PARD3B: variants seen among roughly 807,000 people sequenced by gnomAD.
PARD3B encodes the protein partitioning defective 3 homolog B.
In PARD3B, 103 loss-of-function variants were observed where a neutral mutation model predicts 130.2. The ratio of observed to expected loss-of-function variants is 0.79; its 90% CI spans 0.67 to 0.93. The LOEUF (loss-of-function observed/expected upper bound fraction) is 0.93. Ranked by LOEUF, PARD3B falls within the 40% of genes least tolerant of loss-of-function variation. The pLI is 0.00. For synonymous variants in PARD3B, 583 were observed against 553.2 expected (o/e 1.05, Z -0.76); for missense variants, 1,609 against 1,499.2 (o/e 1.07, Z -1.21).
Position 205,301,452 on chromosome 2 carries a change from T to C in PARD3B, c.2393-12T>C. ...CCTGACCATGGGTATTGATTATTTT[T>C]TCTCTGTACAGACGGTCTGTCTGAT... On this transcript the variant is annotated splice_polypyrimidine_tract_variant and intron_variant, in intron 17 of 22. Coordinates refer to ENST00000406610, the MANE Select transcript of PARD3B (RefSeq NM_001302769.2). The surrounding 1 kb of genome is among the most constrained non-coding windows in gnomAD (Gnocchi z 5.2). 1 of 1,589,538 alleles carries C rather than the reference T, an allele frequency of 6.3e-7. No individual in the cohort carries two copies.
Position 204,960,261 on chromosome 2 carries a change from G to A in PARD3B, c.223-4891G>A, listed in dbSNP as rs893356450. On this transcript the variant is annotated intron_variant, in intron 2 of 22. Coordinates refer to ENST00000406610, the MANE Select transcript of PARD3B (RefSeq NM_001302769.2). ...TATTGGCAGATAGCTGGGTGAGGGAGTGCCTGGGACAGACTGCGAACTCCA... is the reference window on the plus strand; with the variant it reads ...TATTGGCAGATAGCTGGGTGAGGGAATGCCTGGGACAGACTGCGAACTCCA... Among the ~76,000 whole-genome samples, 3 of 152,262 alleles carry A rather than the reference G, an allele frequency of 2.0e-5. 1 individual carries two copies. Among genetic ancestry groups the A allele is most frequent in the Middle Eastern group, 6.8e-3 (2 of 294 alleles).
At chr2:205,576,744 A>C (rs1420987996) in intron 22 of PARD3B, among the ~76,000 whole-genome samples, 3 of 152,082 alleles carry the variant, frequency 2.0e-5, no homozygotes, top group Non-Finnish European at 4.4e-5. Context: ...CTCTAAGTTT[A>C]TTCTTCTCCT....
At chr2:205,203,936 A>G (rs544124167) in intron 15 of PARD3B, among the ~76,000 whole-genome samples, 2 of 152,346 alleles carry the variant, frequency 1.3e-5, no homozygotes, top group East Asian at 3.9e-4. Flanking sequence ...TCTTCAGAGT[A>G]GCATGATTTA....
chr2:205,041,267 C>T (rs1698381394), intron 3 of PARD3B, among the ~76,000 whole-genome samples: 1 of 152,222 alleles, frequency 6.6e-6, no homozygotes, highest in African/African-American at 2.4e-5. Flanking sequence ...GTTTCTCACG[C>T]ATATCAAGAC....
rs528247150 is a variant in PARD3B, at chr2:205,379,081, G to A, written c.2631-21932G>A. 2.6e-5 allele frequency among the ~76,000 whole-genome samples: 4 copies of A among 152,156 alleles called. No individual in the cohort carries two copies. The South Asian group carries it at 8.3e-4, about 32-fold the overall frequency. The stretch of plus-strand genomic sequence containing the variant: ...AAAAAACTCTGAGAAAAAATATAGA[G>A]GGGAGTTTGAGAGGGCTAAATACTG... On this transcript the variant is annotated intron_variant, in intron 18 of 22. Transcript: ENST00000406610.
At chr2:204,652,721 GAC>G (rs1206000917) in intron 1 of PARD3B, among the ~76,000 whole-genome samples, 1 of 151,824 alleles carries the variant, frequency 6.6e-6, no homozygotes, top group African/African-American at 2.4e-5. Context: ...AACTACCTGA[GAC>G]TGGGTAATTT....
At chr2:205,202,334 T>A (rs1242590932) in intron 15 of PARD3B, among the ~76,000 whole-genome samples, 2 of 152,228 alleles carry the variant, frequency 1.3e-5, no homozygotes, top group Non-Finnish European at 2.9e-5. Context: ...GTTCTCTATG[T>A]CAAGGACATG....
chr2:205,157,224 A>G (rs1240360348), intron 10 of PARD3B, among the ~76,000 whole-genome samples: 1 of 152,216 alleles, frequency 6.6e-6, no homozygotes, highest in Admixed American at 6.5e-5. Flanking sequence ...TAAATTGGGC[A>G]TTTTGAAAGA....
intron 2 of PARD3B, among the ~76,000 whole-genome samples, chr2:204,898,926 T>C (rs948150942): frequency 2.6e-5 from 4 of 152,224 alleles, no homozygotes; most frequent in Admixed American, 6.5e-5. Context: ...AAGTCTGATA[T>C]AAGTATAGCT....
intron 2 of PARD3B, among the ~76,000 whole-genome samples, chr2:204,755,057 C>T (rs984305268): frequency 3.9e-5 from 6 of 151,998 alleles, no homozygotes; most frequent in Non-Finnish European, 4.4e-5. Flanking sequence ...TATTTAATTG[C>T]CTTGCACGCA....
At chr2:205,174,455 T>C (rs1415494075) in intron 12 of PARD3B, among the ~76,000 whole-genome samples, 1 of 152,226 alleles carries the variant, frequency 6.6e-6, no homozygotes, top group Non-Finnish European at 1.5e-5. Context: ...GCATTGTTTC[T>C]TATAAAGACA....
chr2:205,015,017 C>T lies in PARD3B; in HGVS notation c.395-32564C>T, dbSNP rs1323687888. 6.6e-6 allele frequency among the ~76,000 whole-genome samples: 1 copy of T among 152,154 alleles called. No homozygotes were observed. The highest frequency in any genetic ancestry group is 1.5e-5 in the Non-Finnish European group (1 of 68,032). On this transcript the variant is annotated intron_variant, in intron 3 of 22. Coordinates refer to ENST00000406610, the MANE Select transcript of PARD3B (RefSeq NM_001302769.2). This position sits in a 1 kb window ranked among gnomAD's most constrained non-coding sequence, Gnocchi z 4.5. ...TCGAACAATGTGAGAGTTAGGGTTA[C>T]AGGGCCCACATACAGTTGAAAATCT...
At position 204,907,945 on chromosome 2, in the gene PARD3B, G is replaced by A. The variant is rs549279538; in HGVS notation, c.223-57207G>A. 1.3e-5 allele frequency among the ~76,000 whole-genome samples: 2 copies of A among 152,044 alleles called. No individual in the cohort carries two copies. Among genetic ancestry groups the A allele is most frequent in the South Asian group, 4.1e-4 (2 of 4,820 alleles). Reference sequence around the variant, plus strand: ...TCAAACTCCTGGCCTCAAGTGACCTGCCTGCCTCAGCCTCCCAAAGTGCTG... The same window carrying A: ...TCAAACTCCTGGCCTCAAGTGACCTACCTGCCTCAGCCTCCCAAAGTGCTG... On this transcript the variant is annotated intron_variant, in intron 2 of 22. Coordinates refer to ENST00000406610, the MANE Select transcript of PARD3B (RefSeq NM_001302769.2). This position sits in a 1 kb window ranked among gnomAD's most constrained non-coding sequence, Gnocchi z 5.7.
chr2:205,546,194 C>A (rs1021929895), intron 21 of PARD3B, among the ~76,000 whole-genome samples: 1 of 152,148 alleles, frequency 6.6e-6, no homozygotes, highest in Non-Finnish European at 1.5e-5. Context: ...AGGGTCACCA[C>A]GTGCAAGGCG....
chr2:204,691,315 G>A (rs747626699), intron 2 of PARD3B, among the ~76,000 whole-genome samples: 11 of 152,000 alleles, frequency 7.2e-5, no homozygotes, highest in Non-Finnish European at 1.5e-4. Flanking sequence ...TTCATTAACT[G>A]TACAAAAGTA....
intron 18 of PARD3B, among the ~76,000 whole-genome samples, chr2:205,315,100 A>G (rs1422543421): frequency 1.3e-5 from 2 of 152,184 alleles, no homozygotes; most frequent in Non-Finnish European, 1.5e-5. Context: ...CATTCTAGGC[A>G]TAGCTACCAA....
At chr2:205,048,250 T>G (rs2125414192) in intron 4 of PARD3B, 1 of 152,314 alleles carries the variant, frequency 6.6e-6, no homozygotes, top group Non-Finnish European at 1.5e-5. Flanking sequence ...GAAAATGTGG[T>G]GCCAGGATTG....
At chr2:205,123,052 G>A (rs1259826623) in intron 8 of PARD3B, among the ~76,000 whole-genome samples, 1 of 152,134 alleles carries the variant, frequency 6.6e-6, no homozygotes, top group Non-Finnish European at 1.5e-5. Flanking sequence ...AGCCTTGAAT[G>A]CAAAAATGAA....
intron 3 of PARD3B, among the ~76,000 whole-genome samples, chr2:205,001,807 G>A (rs1314797553): frequency 6.6e-6 from 1 of 152,202 alleles, no homozygotes; most frequent in Non-Finnish European, 1.5e-5. Context: ...AGTTGTTCCA[G>A]GCTGATGTGC....
Sources: gnomAD v4.1 joint callset for allele counts (sites outside exome capture counted in the v4.1 genomes callset) on GRCh38, gnomAD v4.1.1 for gene constraint, Gnocchi (gnomAD v3.1) non-coding constraint, MANE v1.5 for transcripts, NCBI Gene and HGNC (gene_info 2026-07-23, HGNC 2026-07-21) for gene names.